Variants in DAB1 observed in about 807,000 individuals in gnomAD.
DAB1 encodes disabled homolog 1.
DAB1 carries 15 observed loss-of-function variants against 64.6 expected under a neutral mutation model. The ratio of observed to expected loss-of-function variants is 0.23; its 90% CI spans 0.16 to 0.36. DAB1 has a LOEUF of 0.36. Among genes scored for constraint, DAB1 ranks in the 10% least tolerant of loss-of-function variants. The pLI is 1.00. For missense variants in DAB1, 596 were observed against 706.7 expected (o/e 0.84, Z 1.78); for synonymous variants, 235 against 251.9 (o/e 0.93, Z 0.64).
chr1:57,088,847 A>C (rs1653350767), intron 4 of DAB1, among the ~76,000 whole-genome samples: 1 of 152,232 alleles, frequency 6.6e-6, no homozygotes, highest in South Asian at 2.1e-4. Flanking sequence ...GGCGATAATC[A>C]TCTCCACCTA....
intron 4 of DAB1, among the ~76,000 whole-genome samples, chr1:58,256,561 G>A (rs759441286): frequency 9.2e-5 from 14 of 152,142 alleles, no homozygotes; most frequent in Admixed American, 2.0e-4. Flanking sequence ...AGAAGCACCC[G>A]TACAATGCTG....
chr1:57,744,849 G>A (rs1008362210), intron 6 of DAB1, among the ~76,000 whole-genome samples: 7 of 152,184 alleles, frequency 4.6e-5, no homozygotes, highest in African/African-American at 1.7e-4. Flanking sequence ...CTAAATGGGA[G>A]GCAGGCCGGC....
chr1:58,521,430 A>T (rs1330603743), intron 2 of DAB1, among the ~76,000 whole-genome samples: 2 of 152,006 alleles, frequency 1.3e-5, no homozygotes, highest in Non-Finnish European at 2.9e-5. Context: ...AAAATAATGA[A>T]AAAAAATGGT....
At chr1:57,185,282 T>C (rs1663420401) in intron 2 of DAB1, among the ~76,000 whole-genome samples, 1 of 152,148 alleles carries the variant, frequency 6.6e-6, no homozygotes, top group Admixed American at 6.5e-5. Flanking sequence ...TCCTGGAACT[T>C]ATGATGCCAC....
chr1:58,167,921 ACT>A (rs1390912371), intron 4 of DAB1, among the ~76,000 whole-genome samples: 1 of 152,208 alleles, frequency 6.6e-6, no homozygotes, highest in Non-Finnish European at 1.5e-5. Flanking sequence ...TGTAACACTC[ACT>A]GTGAGGGTCC....
At chr1:57,599,368 A>G (rs1309846985) in intron 7 of DAB1, among the ~76,000 whole-genome samples, 1 of 151,384 alleles carries the variant, frequency 6.6e-6, no homozygotes, top group Non-Finnish European at 1.5e-5. Context: ...AGGGCTACAC[A>G]CTCCACTCTC....
chr1:57,597,757 C>T (rs145987844), intron 7 of DAB1, among the ~76,000 whole-genome samples: 27 of 152,304 alleles, frequency 1.8e-4, no homozygotes, highest in African/African-American at 6.5e-4. Context: ...CTTAGCAAAG[C>T]CATTTTCCCA....
chr1:58,543,324 C>T lies in DAB1; in HGVS notation n.32+3379G>A, dbSNP rs185717534. 2.0e-4 allele frequency among the ~76,000 whole-genome samples: 31 copies of T among 152,318 alleles called. No homozygotes were observed. In the East Asian group the frequency reaches 6.0e-3, roughly 29 times the overall value. On this transcript the variant is annotated intron_variant and non_coding_transcript_variant, in intron 1 of 20. Coordinates refer to the DAB1 transcript ENST00000485760. Reference sequence around the variant, plus strand: ...TGGAACTAGCTGAGGGTTCCTCCTACACTTTGCAAAGCCAAATTTACCAAT... The same window carrying T: ...TGGAACTAGCTGAGGGTTCCTCCTATACTTTGCAAAGCCAAATTTACCAAT...
chr1:57,221,324 C>T (rs754103224), intron 2 of DAB1, among the ~76,000 whole-genome samples: 32 of 151,618 alleles, frequency 2.1e-4, no homozygotes, highest in Non-Finnish European at 4.3e-4. Flanking sequence ...TGCAGCACAC[C>T]AACTTGGCAC....
At chr1:58,047,980 C>T (rs1013121253) in intron 5 of DAB1, 16 of 544,568 alleles carry the variant, frequency 2.9e-5, no homozygotes, top group African/African-American at 5.7e-5. Context: ...CTAAAATAAC[C>T]TGTTATACAA....
At chr1:58,209,687 T>G (rs1267760023) in intron 4 of DAB1, among the ~76,000 whole-genome samples, 1 of 152,196 alleles carries the variant, frequency 6.6e-6, no homozygotes, top group Non-Finnish European at 1.5e-5. Flanking sequence ...CTGATCTAAT[T>G]TTTTTGCATA....
intron 7 of DAB1, among the ~76,000 whole-genome samples, chr1:57,451,031 G>A (rs1045345247): frequency 1.3e-4 from 20 of 152,152 alleles, no homozygotes; most frequent in African/African-American, 4.3e-4. Flanking sequence ...TTTCGTATCA[G>A]CCAGATTTAA....
chr1:58,145,463 G>A (rs975674030), intron 5 of DAB1, among the ~76,000 whole-genome samples: 3 of 152,104 alleles, frequency 2.0e-5, no homozygotes, highest in Non-Finnish European at 4.4e-5. Flanking sequence ...AATGATGAAA[G>A]TAAGGCATAG....
intron 2 of DAB1, among the ~76,000 whole-genome samples, chr1:58,521,472 G>A (rs998664511): frequency 1.3e-5 from 2 of 151,702 alleles, no homozygotes; most frequent in African/African-American, 4.8e-5. Flanking sequence ...TTATATAATA[G>A]AGACAATAAG....
intron 5 of DAB1, among the ~76,000 whole-genome samples, chr1:57,911,833 G>A (rs915738726): frequency 6.6e-6 from 1 of 152,172 alleles, no homozygotes; most frequent in Admixed American, 6.6e-5. Flanking sequence ...ATACACTATA[G>A]CTTTCCTTAT....
intron 7 of DAB1, among the ~76,000 whole-genome samples, chr1:57,540,602 A>G (rs915910002): frequency 6.6e-6 from 1 of 152,230 alleles, no homozygotes; most frequent in Non-Finnish European, 1.5e-5. Flanking sequence ...ACAAAGTGGA[A>G]TACTACTTGG....
intron 1 of DAB1, among the ~76,000 whole-genome samples, chr1:57,355,199 T>G (rs974272517): frequency 1.3e-5 from 2 of 152,194 alleles, no homozygotes; most frequent in Admixed American, 6.5e-5. Context: ...TTTCCCTTAG[T>G]TGTTTCATTC....
At chr1:57,374,034 T>G (rs146028555) in intron 1 of DAB1, among the ~76,000 whole-genome samples, 1 of 152,210 alleles carries the variant, frequency 6.6e-6, no homozygotes, top group Non-Finnish European at 1.5e-5. Flanking sequence ...AACCTTTCTA[T>G]GGTAAATCCA....
chr1:57,715,998 C>T (rs1225194223), intron 6 of DAB1, among the ~76,000 whole-genome samples: 3 of 152,186 alleles, frequency 2.0e-5, no homozygotes, highest in Non-Finnish European at 2.9e-5. Context: ...GCAACCTCTG[C>T]TCCTGCATTC....
Sources: gnomAD v4.1 joint callset for allele counts (sites outside exome capture counted in the v4.1 genomes callset) on GRCh38, gnomAD v4.1.1 for gene constraint, MANE v1.5 for transcripts, NCBI Gene and HGNC (gene_info 2026-07-23, HGNC 2026-07-21) for gene names.